TRMT44: variants seen among roughly 807,000 people sequenced by gnomAD.
TRMT44 encodes the protein tRNA methyltransferase 44 homolog.
A neutral mutation model predicts 77.3 loss-of-function variants in TRMT44; 78 were observed. The ratio of observed to expected loss-of-function variants is 1.01; its 90% CI spans 0.84 to 1.22. The LOEUF is 1.22. Among genes scored for constraint, TRMT44 ranks in the 50% most tolerant of loss-of-function variants. The pLI, the probability that TRMT44 is intolerant of heterozygous loss-of-function variation, is 0.00. For missense variants in TRMT44, 1,090 were observed against 964.4 expected (o/e 1.13, Z -1.73); for synonymous variants, 391 against 383.3 (o/e 1.02, Z -0.23).
the TRMT44 span, among the ~76,000 whole-genome samples, chr4:8,500,138 G>A: frequency 6.6e-6 from 1 of 151,944 alleles, no homozygotes; most frequent in Non-Finnish European, 1.5e-5. Context: ...GCTGAGGCAG[G>A]GAGGACTGCT....
chr4:8,485,581 C>T lies in TRMT44; in HGVS notation n.3891+6048C>T, dbSNP rs955224442. 2.4e-4 allele frequency among the ~76,000 whole-genome samples: 36 copies of T among 151,932 alleles called. 1 individual carries two copies. The highest frequency in any genetic ancestry group is 4.4e-4 in the Non-Finnish European group (30 of 67,980). ...AATGGGATGGTAATGGGCATGTGAT[C>T]GGTTGCCAGGGAAGGAGTAGAGATG... On this transcript the variant is annotated intron_variant and non_coding_transcript_variant, in intron 2 of 2. Coordinates refer to the TRMT44 transcript ENST00000511366.
At chr4:8,470,328 C>A (rs1307056559) in intron 9 of TRMT44, among the ~76,000 whole-genome samples, 1 of 152,182 alleles carries the variant, frequency 6.6e-6, no homozygotes, top group East Asian at 1.9e-4. Context: ...CTGACAGGCT[C>A]AGCTGCATAC....
At chr4:8,443,728 C>G (rs188658430) in intron 1 of TRMT44, among the ~76,000 whole-genome samples, 19 of 152,190 alleles carry the variant, frequency 1.2e-4, no homozygotes, top group African/African-American at 4.6e-4. Flanking sequence ...GGTAAGATCA[C>G]GAAGGTCTTA....
the TRMT44 span, among the ~76,000 whole-genome samples, chr4:8,514,482 G>A: frequency 2.6e-5 from 4 of 151,906 alleles, no homozygotes; most frequent in Non-Finnish European, 5.9e-5. Context: ...TCACCATGTT[G>A]GCCAGGCTGG....
intron 8 of TRMT44, 106 bp from the exon 9 acceptor site, chr4:8,467,808 A>G (rs1051264742): frequency 1.6e-6 from 2 of 1,220,970 alleles, no homozygotes; most frequent in African/African-American, 3.0e-5. Context: ...TTTTCATGAT[A>G]GACATTGAAA....
intron 2 of TRMT44, among the ~76,000 whole-genome samples, chr4:8,447,093 A>C (rs111231873): frequency 0.016 from 2,414 of 152,192 alleles, 18 homozygotes; most frequent in Middle Eastern, 0.037. Flanking sequence ...CCAGGCTGGT[A>C]TCAAACTCCT....
chr4:8,486,352 C>T (rs909493032), intron 2 of TRMT44, among the ~76,000 whole-genome samples: 2 of 152,150 alleles, frequency 1.3e-5, no homozygotes, highest in African/African-American at 4.8e-5. Flanking sequence ...ACAGTGGAGG[C>T]AAGGAATTGC....
At position 8,475,968 on chromosome 4, in the gene TRMT44, A is replaced by ACC. The variant is rs1727357641; in HGVS notation, c.2244_2245dup (p.Arg749ProfsTer57). 3.7e-6 allele frequency: 6 copies of ACC among 1,613,942 alleles called. No individual in the cohort carries two copies. The highest frequency in any genetic ancestry group is 2.5e-6 in the Non-Finnish European group (3 of 1,180,016). On this transcript the variant is annotated frameshift_variant, in exon 11 of 11. Coordinates refer to ENST00000389737, the MANE Select transcript of TRMT44 (RefSeq NM_152544.3). LOFTEE classifies it low-confidence loss of function (END_TRUNC). ...CCCATGGGCCTGCGGAGCTGCGGCCACCCCGGACCACCCCGAGGAAGAAGA... is the reference window on the plus strand; with the variant it reads ...CCCATGGGCCTGCGGAGCTGCGGCCACCCCCCGGACCACCCCGAGGAAGAAGA...
the TRMT44 span, among the ~76,000 whole-genome samples, chr4:8,503,347 G>A: frequency 8.5e-5 from 13 of 152,216 alleles, no homozygotes; most frequent in Non-Finnish European, 1.9e-4. Context: ...TGCAGCAGTC[G>A]GACCGGCTCA....
At chr4:8,490,169 C>T (rs956810366) in intron 2 of TRMT44, among the ~76,000 whole-genome samples, 23 of 152,222 alleles carry the variant, frequency 1.5e-4, no homozygotes, top group African/African-American at 5.5e-4. Flanking sequence ...TGGCCACCCC[C>T]ACGCCTTCCC....
intron 2 of TRMT44, among the ~76,000 whole-genome samples, chr4:8,449,106 C>T (rs1478186334): frequency 6.6e-6 from 1 of 152,220 alleles, no homozygotes; most frequent in Non-Finnish European, 1.5e-5. Context: ...TGAACAGTGC[C>T]TGCTATGTGT....
intron 3 of TRMT44, 61 bp downstream of exon 3, chr4:8,449,949 C>CTTTTTTTTTCTTTTTTTTTT: frequency 1.3e-5 from 3 of 238,690 alleles, no homozygotes; most frequent in Non-Finnish European, 1.8e-5. Flanking sequence ...CTTTTCTTTT[C>CTTTTTTTTTCTTTTTTTTTT]TTTTTTTTTT....
downstream of TRMT44, among the ~76,000 whole-genome samples, chr4:8,496,074 G>C (rs1260656521): frequency 4.6e-5 from 7 of 152,188 alleles, no homozygotes; most frequent in African/African-American, 1.7e-4. Flanking sequence ...CATTTGCATA[G>C]AGTGAACCAA....
chr4:8,453,110 A>C, intron 5 of TRMT44, 121 bp downstream of exon 5: 1 of 564,120 alleles, frequency 1.8e-6, no homozygotes, highest in Non-Finnish European at 3.0e-6. Flanking sequence ...GCCAGCTATC[A>C]GAGTAGGTAG....
chr4:8,511,448 C>T, the TRMT44 span, among the ~76,000 whole-genome samples: 3 of 152,102 alleles, frequency 2.0e-5, no homozygotes, highest in East Asian at 1.9e-4. Flanking sequence ...TTACATGGAA[C>T]GGAGACTTTG....
chr4:8,467,741 A>G (rs765629962), intron 8 of TRMT44, among the ~76,000 whole-genome samples, 173 bp from the exon 9 acceptor site: 1 of 152,234 alleles, frequency 6.6e-6, no homozygotes, highest in Non-Finnish European at 1.5e-5. Context: ...CCAAAATGCT[A>G]GGATGATAGG....
At chr4:8,467,778 C>T (rs888356745) in intron 8 of TRMT44, 136 bp from the exon 9 acceptor site, 12 of 999,268 alleles carry the variant, frequency 1.2e-5, no homozygotes, top group Middle Eastern at 2.4e-4. Flanking sequence ...TGGCTGGTGT[C>T]AGTTTTTTAA....
chr4:8,463,557 CTG>C (rs1464002375), intron 6 of TRMT44, among the ~76,000 whole-genome samples: 1 of 152,204 alleles, frequency 6.6e-6, no homozygotes, highest in Non-Finnish European at 1.5e-5. Flanking sequence ...GGTTAGACCC[CTG>C]TGTTGTATTA....
chr4:8,484,642 A>T (rs919300427), intron 2 of TRMT44, among the ~76,000 whole-genome samples: 3 of 152,194 alleles, frequency 2.0e-5, no homozygotes, highest in Non-Finnish European at 4.4e-5. Context: ...GGGATGAGTC[A>T]GGGAGAGCTA....
Sources: gnomAD v4.1 joint callset for allele counts (sites outside exome capture counted in the v4.1 genomes callset) on GRCh38, gnomAD v4.1.1 for gene constraint, MANE v1.5 for transcripts, NCBI Gene and HGNC (gene_info 2026-07-23, HGNC 2026-07-21) for gene names.